GALNT1: variants seen among roughly 807,000 people sequenced by gnomAD.
GALNT1 encodes the protein GalNAc transferase 1.
A neutral mutation model predicts 65.7 loss-of-function variants in GALNT1; 17 were observed. The ratio of observed to expected loss-of-function variants is 0.26; its 90% CI spans 0.18 to 0.39. GALNT1 has a LOEUF of 0.39. Ranked by LOEUF, GALNT1 falls within the 10% of genes least tolerant of loss-of-function variation. The pLI, the probability that GALNT1 is intolerant of heterozygous loss-of-function variation, is 1.00. For synonymous variants in GALNT1, 210 were observed against 219.7 expected, an observed-to-expected ratio of 0.96 and a Z score of 0.39; for missense variants, 460 against 672.8, an observed-to-expected ratio of 0.68 and a Z score of 3.50.
At chr18:35,654,017 A>G (rs2047344381) in intron 1 of GALNT1, among the ~76,000 whole-genome samples, 1 of 152,224 alleles carries the variant, frequency 6.6e-6, no homozygotes, top group Non-Finnish European at 1.5e-5. Flanking sequence ...GCAGGCTACA[A>G]GGAGAACTCT....
intron 1 of GALNT1, among the ~76,000 whole-genome samples, chr18:35,631,477 G>T (rs960882176): frequency 5.9e-5 from 9 of 152,050 alleles, no homozygotes; most frequent in African/African-American, 2.2e-4. Flanking sequence ...CTCAATAGAT[G>T]CAGAAAAGGC....
intron 11 of GALNT1, among the ~76,000 whole-genome samples, chr18:35,705,256 C>T (rs1204003762): frequency 6.6e-6 from 1 of 152,168 alleles, no homozygotes; most frequent in East Asian, 1.9e-4. Context: ...TTCTTAAGAA[C>T]CCAGCTTTGA....
intron 1 of GALNT1, among the ~76,000 whole-genome samples, chr18:35,629,028 AAAG>A (rs2046964192): frequency 6.6e-6 from 1 of 152,230 alleles, no homozygotes. Context: ...AAAAGAATAA[AAAG>A]AAATGAACAA....
chr18:35,666,494 A>G lies in GALNT1; in HGVS notation c.314+2692A>G, dbSNP rs574135892. Reference sequence around the variant, plus strand: ...ATGCCTGTATTATAAACAACCTTACATTTACTTCAAGAGCCTCAATCAACT... The same window carrying G: ...ATGCCTGTATTATAAACAACCTTACGTTTACTTCAAGAGCCTCAATCAACT... On this transcript the variant is annotated intron_variant, in intron 3 of 11. Coordinates refer to ENST00000269195, the MANE Select transcript of GALNT1 (RefSeq NM_020474.4). Among the ~76,000 whole-genome samples, 246 of 152,262 alleles carry G rather than the reference A, an allele frequency of 1.6e-3. 1 individual carries two copies. The highest frequency in any genetic ancestry group is 9.1e-3 in the South Asian group (44 of 4,820).
intron 2 of GALNT1, 145 bp downstream of exon 2, chr18:35,654,946 T>A: frequency 4.0e-6 from 2 of 500,212 alleles, no homozygotes; most frequent in Non-Finnish European, 6.3e-6. Context: ...ATATTGATAG[T>A]TCTCCAATGG....
chr18:35,687,196 T>A lies in GALNT1; in HGVS notation c.860+10T>A. 6.2e-7 allele frequency: 1 copy of A among 1,608,864 alleles called. No individual in the cohort carries two copies. The highest frequency in any genetic ancestry group is 8.5e-7 in the Non-Finnish European group (1 of 1,177,572). On this transcript the variant is annotated intron_variant, in intron 6 of 11. Coordinates refer to ENST00000269195, the MANE Select transcript of GALNT1 (RefSeq NM_020474.4). ...GGACTCTTCCTGTCAGGTAATTAAT[T>A]TGTCAGACATTTTGCCTAAAGTGTT...
At chr18:35,607,252 G>A (rs1854016302) in intron 1 of GALNT1, among the ~76,000 whole-genome samples, 1 of 152,154 alleles carries the variant, frequency 6.6e-6, no homozygotes, top group African/African-American at 2.4e-5. Flanking sequence ...AGAAAAAAGA[G>A]AGAGCAGAGT....
chr18:35,687,769 T>C (rs556762095), intron 6 of GALNT1, among the ~76,000 whole-genome samples: 14 of 152,158 alleles, frequency 9.2e-5, no homozygotes, highest in Non-Finnish European at 2.1e-4. Flanking sequence ...ATCTTCATGC[T>C]CTTTTTAGAA....
At chr18:35,652,843 A>G (rs1320172131) in intron 1 of GALNT1, among the ~76,000 whole-genome samples, 7 of 152,238 alleles carry the variant, frequency 4.6e-5, no homozygotes, top group Non-Finnish European at 8.8e-5. Context: ...GTAGATGAAA[A>G]GTTATACTTA....
At chr18:35,611,820 C>T (rs970635007) in intron 1 of GALNT1, among the ~76,000 whole-genome samples, 15 of 152,180 alleles carry the variant, frequency 9.9e-5, no homozygotes, top group Non-Finnish European at 1.5e-4. Context: ...ACATTCTTAA[C>T]TCAGTCTGTT....
At chr18:35,688,855 G>T (rs931267814) in intron 6 of GALNT1, among the ~76,000 whole-genome samples, 4 of 152,126 alleles carry the variant, frequency 2.6e-5, no homozygotes, top group African/African-American at 9.7e-5. Flanking sequence ...TAAGGAGTTT[G>T]AGATCTAAAC....
chr18:35,629,546 T>C (rs907193603), intron 1 of GALNT1, among the ~76,000 whole-genome samples: 6 of 152,104 alleles, frequency 3.9e-5, no homozygotes, highest in Non-Finnish European at 8.8e-5. Context: ...AGGCCTGCCC[T>C]ACGAGAGCTC....
At chr18:35,581,416 G>C (rs1409219916), upstream of GALNT1, 25 of 147,750 alleles carry the variant, frequency 1.7e-4, 1 homozygote, top group African/African-American at 6.1e-4. Context: ...CGCCGCAGCG[G>C]AGGGGGCGCG....
At chr18:35,665,930 C>G (rs1310246998) in intron 3 of GALNT1, among the ~76,000 whole-genome samples, 1 of 152,054 alleles carries the variant, frequency 6.6e-6, no homozygotes, top group Admixed American at 6.6e-5. Flanking sequence ...ACAGGAGATT[C>G]AGCTTGTGTA....
rs2047029382 is a variant in GALNT1, at chr18:35,632,597, CT to C, written c.-103-21962del. Among the ~76,000 whole-genome samples the C allele has an allele frequency of 2.0e-5, 3 of 152,120 alleles. No individual in the cohort carries two copies. In the South Asian group the frequency reaches 6.2e-4, roughly 32 times the overall value. On this transcript the variant is annotated intron_variant, in intron 1 of 11. Coordinates refer to ENST00000269195, the MANE Select transcript of GALNT1 (RefSeq NM_020474.4). ...TGTCAGACCTAAAACCAGAAAAACC[CT>C]AGAAGAAAACCAAGGCAATACCATT...
At chr18:35,631,720 G>A (rs546814513) in intron 1 of GALNT1, among the ~76,000 whole-genome samples, 2 of 152,116 alleles carry the variant, frequency 1.3e-5, no homozygotes, top group Non-Finnish European at 2.9e-5. Context: ...AATCAGGCAG[G>A]AGAAAGAAAT....
intron 2 of GALNT1, among the ~76,000 whole-genome samples, chr18:35,661,414 C>T (rs1446670866): frequency 1.3e-5 from 2 of 151,676 alleles, no homozygotes; most frequent in African/African-American, 4.8e-5. Flanking sequence ...CAGGACAATT[C>T]GCTTGAATCT....
chr18:35,656,637 G>A (rs2047390742), intron 2 of GALNT1, among the ~76,000 whole-genome samples: 1 of 152,234 alleles, frequency 6.6e-6, no homozygotes, highest in African/African-American at 2.4e-5. Flanking sequence ...CAGAGGCCAT[G>A]TCACACAAGG....
intron 3 of GALNT1, among the ~76,000 whole-genome samples, chr18:35,671,739 C>T (rs1231789759): frequency 6.6e-6 from 1 of 151,960 alleles, no homozygotes; most frequent in African/African-American, 2.4e-5. Flanking sequence ...GTTTGGAAGC[C>T]GTACACTTTT....
Sources: gnomAD v4.1 joint callset for allele counts (sites outside exome capture counted in the v4.1 genomes callset) on GRCh38, gnomAD v4.1.1 for gene constraint, MANE v1.5 for transcripts, NCBI Gene and HGNC (gene_info 2026-07-23, HGNC 2026-07-21) for gene names.